The following UNC5D variants were observed in gnomAD, a reference collection of about 807,000 sequenced individuals.
UNC5D encodes the protein netrin receptor UNC5D.
In UNC5D, 39 loss-of-function variants were observed where a neutral mutation model predicts 105.4. The ratio of observed to expected loss-of-function variants is 0.37; its 90% CI spans 0.29 to 0.48. The LOEUF (loss-of-function observed/expected upper bound fraction) is 0.48, where lower values mean the gene tolerates loss of function less well. Ranked by LOEUF, UNC5D falls within the 20% of genes least tolerant of loss-of-function variation. UNC5D has a pLI of 0.98. For synonymous variants in UNC5D, 452 were observed against 450.4 expected (o/e 1.00, Z -0.04); for missense variants, 991 against 1,202.4 (o/e 0.82, Z 2.60).
intron 1 of UNC5D, among the ~76,000 whole-genome samples, chr8:35,243,027 G>A (rs1802891788): frequency 6.6e-6 from 1 of 152,104 alleles, no homozygotes; most frequent in Admixed American, 6.5e-5. Context: ...CTTTTCAGAT[G>A]TTAATGTGCA....
chr8:35,565,632 T>C (rs932168188), intron 2 of UNC5D, among the ~76,000 whole-genome samples: 3 of 152,222 alleles, frequency 2.0e-5, no homozygotes, highest in African/African-American at 7.2e-5. Context: ...TTCTTAGTCA[T>C]AAATTCTTTG....
intron 4 of UNC5D, among the ~76,000 whole-genome samples, chr8:35,640,169 C>T (rs1425579714): frequency 6.6e-6 from 1 of 151,882 alleles, no homozygotes; most frequent in Non-Finnish European, 1.5e-5. Context: ...TTGCGAAACC[C>T]CAGTTTCTGC....
intron 1 of UNC5D, among the ~76,000 whole-genome samples, chr8:35,247,212 T>G (rs1475397072): frequency 6.7e-6 from 1 of 148,746 alleles, no homozygotes; most frequent in Non-Finnish European, 1.5e-5. Flanking sequence ...ACCCTTCTGT[T>G]AAAGGATGTT....
At position 35,601,502 on chromosome 8, in the gene UNC5D, A is replaced by T. The variant is rs528737212; in HGVS notation, c.570+5845A>T. ...AGCAGTGGTTTGTAGTTCTCCATGA[A>T]GAGGTCCTTCACATCCCTTGTAAGT... On this transcript the variant is annotated intron_variant, in intron 4 of 16. Transcript: ENST00000404895. Among the ~76,000 whole-genome samples the T allele has an allele frequency of 8.5e-5, 13 of 152,258 alleles. No individual in the cohort carries two copies. In the East Asian group the frequency reaches 2.5e-3, roughly 29 times the overall value.
rs553883434 is a variant in UNC5D, at chr8:35,332,404, GCAA to G, written c.103+96527_103+96529del. The stretch of plus-strand genomic sequence containing the variant: ...GATAGTGACAATAATAGCAGAGGCA[GCAA>G]CAACAACAAGAAGCAAATATCTTTT... On this transcript the variant is annotated intron_variant, in intron 1 of 16. Coordinates refer to ENST00000404895, the MANE Select transcript of UNC5D (RefSeq NM_080872.4). 4.6e-4 allele frequency among the ~76,000 whole-genome samples: 70 copies of G among 152,282 alleles called. 1 individual carries two copies. Among genetic ancestry groups the G allele is most frequent in the African/African-American group, 1.6e-3 (67 of 41,568 alleles).
chr8:35,512,535 G>GTATATATA (rs71887063), intron 1 of UNC5D, among the ~76,000 whole-genome samples: 5 of 33,430 alleles, frequency 1.5e-4, no homozygotes, highest in African/African-American at 6.6e-4. Flanking sequence ...ATTCAGATAT[G>GTATATATA]TATGTATATA....
At chr8:35,696,195 T>C (rs1407108311) in intron 7 of UNC5D, among the ~76,000 whole-genome samples, 1 of 151,944 alleles carries the variant, frequency 6.6e-6, no homozygotes, top group Admixed American at 6.6e-5. Flanking sequence ...TCTAGAACAA[T>C]GATTTGTTGC....
In UNC5D at chr8:35,330,598, G is replaced by A. The variant is rs925441270; in HGVS notation, c.103+94711G>A. 2.6e-5 allele frequency among the ~76,000 whole-genome samples: 4 copies of A among 152,278 alleles called. No homozygotes were observed. In the East Asian group the frequency reaches 7.7e-4, roughly 29 times the overall value. On this transcript the variant is annotated intron_variant, in intron 1 of 16. Transcript: ENST00000404895. ...TTAGATCCAATCTAGATACGTTTTT[G>A]CAGGGCCTCTATCATTTTTCAGAAT... is the stretch of plus-strand genomic sequence containing the variant.
chr8:35,501,105 A>G (rs1811938173), intron 1 of UNC5D, among the ~76,000 whole-genome samples: 1 of 152,168 alleles, frequency 6.6e-6, no homozygotes, highest in African/African-American at 2.4e-5. Context: ...CTCATGTCTG[A>G]CTGACCAAAG....
At position 35,774,421 on chromosome 8, in the gene UNC5D, C is replaced by T. The variant is rs143513370; in HGVS notation, c.2601C>T (p.Thr867=). ...AGCGGATTTGTGCTACATTTGATAC[C>T]CCCAATGCCAAAGGCAAGGACTGGC... ...IRQRICATFD[T]PNAKGKDWQM... Residue 867 remains threonine (T), a synonymous_variant, in exon 16 of 17, where the codon ACC becomes ACT. Transcript: ENST00000404895. 5 of 1,614,080 alleles carry T rather than the reference C, an allele frequency of 3.1e-6. No homozygotes were observed. Among genetic ancestry groups the T allele is most frequent in the East Asian group, 4.5e-5 (2 of 44,842 alleles).
chr8:35,690,980 C>A (rs1007059225), intron 7 of UNC5D, among the ~76,000 whole-genome samples: 4 of 152,142 alleles, frequency 2.6e-5, no homozygotes, highest in Non-Finnish European at 4.4e-5. Flanking sequence ...CTTAGATGAC[C>A]TACATGTCTT....
intron 14 of UNC5D, among the ~76,000 whole-genome samples, chr8:35,763,572 T>C (rs1801640673): frequency 6.6e-6 from 1 of 152,076 alleles, no homozygotes; most frequent in Non-Finnish European, 1.5e-5. Flanking sequence ...GTCCAAGTGC[T>C]TGCATTACAC....
intron 3 of UNC5D, among the ~76,000 whole-genome samples, chr8:35,585,471 T>C (rs1368980368): frequency 1.3e-5 from 2 of 152,002 alleles, no homozygotes; most frequent in Admixed American, 1.3e-4. Context: ...ATGGTTGCAA[T>C]ATTCAGGAAT....
At chr8:35,447,001 C>G (rs1206533911) in intron 1 of UNC5D, among the ~76,000 whole-genome samples, 1 of 152,068 alleles carries the variant, frequency 6.6e-6, no homozygotes, top group African/African-American at 2.4e-5. Flanking sequence ...CACAGCGACT[C>G]CCATCACCAC....
chr8:35,373,701 G>C (rs1401492988), intron 1 of UNC5D, among the ~76,000 whole-genome samples: 1 of 152,220 alleles, frequency 6.6e-6, no homozygotes, highest in African/African-American at 2.4e-5. Flanking sequence ...GAAGGGGATT[G>C]AGAGCTGAGA....
intron 4 of UNC5D, among the ~76,000 whole-genome samples, chr8:35,620,311 C>T (rs1821283992): frequency 6.6e-6 from 1 of 152,196 alleles, no homozygotes; most frequent in South Asian, 2.1e-4. Context: ...TACAGTATTT[C>T]ACTGAAGCCT....
At chr8:35,554,937 A>G (rs561252308) in intron 2 of UNC5D, among the ~76,000 whole-genome samples, 2 of 152,296 alleles carry the variant, frequency 1.3e-5, no homozygotes, top group African/African-American at 4.8e-5. Context: ...AGGTTAATGG[A>G]TTGTGTCAAG....
intron 1 of UNC5D, among the ~76,000 whole-genome samples, chr8:35,437,852 G>A (rs1185639529): frequency 6.7e-6 from 1 of 149,110 alleles, no homozygotes; most frequent in Admixed American, 6.7e-5. Context: ...GATTTCTTCT[G>A]AGCGGTTGAT....
chr8:35,442,929 CACACACA>C (rs966510176), intron 1 of UNC5D, among the ~76,000 whole-genome samples: 4 of 150,648 alleles, frequency 2.7e-5, no homozygotes, highest in African/African-American at 9.8e-5. Context: ...CACACACACA[CACACACA>C]ACACACACAC....
Sources: gnomAD v4.1 joint callset for allele counts (sites outside exome capture counted in the v4.1 genomes callset) on GRCh38, gnomAD v4.1.1 for gene constraint, MANE v1.5 for transcripts, NCBI Gene and HGNC (gene_info 2026-07-23, HGNC 2026-07-21) for gene names.